The following CNTNAP2 variants were observed in gnomAD, a reference collection of about 807,000 sequenced individuals.
The protein encoded by CNTNAP2 is contactin associated protein 2.
A neutral mutation model predicts 155.2 loss-of-function variants in CNTNAP2; 98 were observed. The ratio of observed to expected loss-of-function variants is 0.63; its 90% CI spans 0.54 to 0.75. CNTNAP2 has a LOEUF of 0.75. Ranked by LOEUF, CNTNAP2 falls within the 30% of genes least tolerant of loss-of-function variation. CNTNAP2 has a pLI of 0.00. For missense variants in CNTNAP2, 1,727 were observed against 1,688.1 expected (o/e 1.02, Z -0.40); for synonymous variants, 651 against 631.2 (o/e 1.03, Z -0.47).
chr7:147,523,424 C>T (rs1462868358), intron 11 of CNTNAP2, among the ~76,000 whole-genome samples: 4 of 152,172 alleles, frequency 2.6e-5, no homozygotes, highest in East Asian at 1.9e-4. Flanking sequence ...GGAAGCAAGT[C>T]ACTAGGTCCA....
At chr7:147,532,055 C>A (rs1799444674) in intron 11 of CNTNAP2, among the ~76,000 whole-genome samples, 1 of 152,140 alleles carries the variant, frequency 6.6e-6, no homozygotes, top group South Asian at 2.1e-4. Context: ...GATCTGCCCG[C>A]CTCGGCCTCC....
intron 11 of CNTNAP2, among the ~76,000 whole-genome samples, chr7:147,498,214 A>G (rs528796044): frequency 6.6e-6 from 1 of 151,896 alleles, no homozygotes; most frequent in South Asian, 2.1e-4. Flanking sequence ...TCAGCTGACC[A>G]TGTGGCTGAT....
intron 1 of CNTNAP2, among the ~76,000 whole-genome samples, chr7:146,716,600 G>C (rs1801193076): frequency 6.6e-6 from 1 of 152,172 alleles, no homozygotes; most frequent in Non-Finnish European, 1.5e-5. Context: ...TGACCAAATA[G>C]GTTAACATTT....
At chr7:147,624,207 T>C (rs1794926535) in intron 12 of CNTNAP2, among the ~76,000 whole-genome samples, 1 of 152,018 alleles carries the variant, frequency 6.6e-6, no homozygotes, top group Non-Finnish European at 1.5e-5. Context: ...CAAAAATTTC[T>C]TGAGTAATAC....
chr7:147,184,332 T>C (rs1186164656), intron 8 of CNTNAP2, among the ~76,000 whole-genome samples: 1 of 152,184 alleles, frequency 6.6e-6, no homozygotes, highest in East Asian at 1.9e-4. Context: ...ATTTAAGTCG[T>C]TGGATTTGGA....
intron 3 of CNTNAP2, among the ~76,000 whole-genome samples, chr7:147,041,468 T>C (rs1021138816): frequency 7.2e-5 from 11 of 152,174 alleles, no homozygotes; most frequent in African/African-American, 2.7e-4. Flanking sequence ...AGGTCTGAAA[T>C]CCTCCTTTAT....
At chr7:146,797,500 G>A (rs1417386906) in intron 2 of CNTNAP2, among the ~76,000 whole-genome samples, 1 of 152,170 alleles carries the variant, frequency 6.6e-6, no homozygotes, top group Non-Finnish European at 1.5e-5. Flanking sequence ...AGTATGCCTT[G>A]TGGAGGATGA....
At chr7:147,706,240 A>T (rs2117010304) in intron 13 of CNTNAP2, among the ~76,000 whole-genome samples, 2 of 124,788 alleles carry the variant, frequency 1.6e-5, no homozygotes, top group African/African-American at 6.1e-5. Flanking sequence ...TTATCCTTTC[A>T]TGTGGTTTTT....
intron 3 of CNTNAP2, among the ~76,000 whole-genome samples, chr7:146,865,288 T>C (rs2129206098): frequency 6.6e-6 from 1 of 152,190 alleles, no homozygotes; most frequent in African/African-American, 2.4e-5. Context: ...TATCTTCAAA[T>C]TGAGTAGGTT....
chr7:147,382,118 A>G (rs566962506), intron 9 of CNTNAP2, among the ~76,000 whole-genome samples: 1 of 152,298 alleles, frequency 6.6e-6, no homozygotes, highest in South Asian at 2.1e-4. Context: ...TAATTTGTAA[A>G]TCACTACAAA....
intron 1 of CNTNAP2, among the ~76,000 whole-genome samples, chr7:146,137,006 G>T (rs1584767107): frequency 6.6e-6 from 1 of 152,078 alleles, no homozygotes; most frequent in East Asian, 1.9e-4. Context: ...ATTACTACAA[G>T]AAAAACGAAC....
chr7:146,442,989 C>G (rs1724482), intron 1 of CNTNAP2, among the ~76,000 whole-genome samples: 5,417 of 151,766 alleles, frequency 0.036, 344 homozygotes, highest in African/African-American at 0.12. Flanking sequence ...GGCAGATCAC[C>G]AGGTCAGGAA....
intron 1 of CNTNAP2, among the ~76,000 whole-genome samples, chr7:146,553,366 AG>A (rs1176751364): frequency 6.6e-6 from 1 of 152,036 alleles, no homozygotes; most frequent in African/African-American, 2.4e-5. Flanking sequence ...TCAAATTAAA[AG>A]TACTGAAGTA....
At chr7:147,830,258 G>T (rs1021347225) in intron 13 of CNTNAP2, among the ~76,000 whole-genome samples, 4 of 152,046 alleles carry the variant, frequency 2.6e-5, no homozygotes, top group Admixed American at 1.3e-4. Flanking sequence ...ACCTGCCAAG[G>T]TATTGGTGGA....
chr7:147,391,793 T>G (rs1796722754), intron 9 of CNTNAP2, among the ~76,000 whole-genome samples: 1 of 151,084 alleles, frequency 6.6e-6, no homozygotes, highest in Non-Finnish European at 1.5e-5. Context: ...TCACGCTTCC[T>G]TGTCATCCTT....
At chr7:146,602,189 AC>A (rs1798961154) in intron 1 of CNTNAP2, among the ~76,000 whole-genome samples, 1 of 152,060 alleles carries the variant, frequency 6.6e-6, no homozygotes, top group South Asian at 2.1e-4. Context: ...TTGCACGGAG[AC>A]CCTTAAGATT....
At chr7:146,742,555 G>T (rs1015403741) in intron 1 of CNTNAP2, among the ~76,000 whole-genome samples, 6 of 152,194 alleles carry the variant, frequency 3.9e-5, no homozygotes, top group African/African-American at 1.4e-4. Context: ...TTAGCATGGG[G>T]TTGTCCTTAG....
At chr7:148,206,017 G>A (rs1215043709) in intron 18 of CNTNAP2, among the ~76,000 whole-genome samples, 2 of 151,540 alleles carry the variant, frequency 1.3e-5, no homozygotes, top group Non-Finnish European at 2.9e-5. Context: ...TATGCATATA[G>A]GCATATACAC....
chr7:146,206,988 G>A (rs1377820902), intron 1 of CNTNAP2, among the ~76,000 whole-genome samples: 1 of 151,858 alleles, frequency 6.6e-6, no homozygotes, highest in East Asian at 1.9e-4. Context: ...CTAACACCAA[G>A]TATTCATTGG....
Sources: allele counts gnomAD v4.1 joint callset (sites outside exome capture counted in the v4.1 genomes callset), GRCh38; gene constraint gnomAD v4.1.1; transcripts MANE v1.5; gene names NCBI Gene and HGNC (gene_info 2026-07-23, HGNC 2026-07-21).